Variants in RB1CC1 observed in about 807,000 individuals in gnomAD.
The protein encoded by RB1CC1 is RB1-inducible coiled-coil protein 1.
Under a neutral mutation model 177.5 loss-of-function variants are expected in RB1CC1, and 46 were observed. The ratio of observed to expected loss-of-function variants is 0.26; its 90% confidence interval spans 0.20 to 0.33. The LOEUF (loss-of-function observed/expected upper bound fraction) is 0.33, where lower values mean the gene tolerates loss of function less well. Among genes scored for constraint, RB1CC1 ranks in the 10% least tolerant of loss-of-function variants. The pLI, the probability that RB1CC1 is intolerant of heterozygous loss-of-function variation, is 1.00. For synonymous variants in RB1CC1, 666 were observed against 613.6 expected, an observed-to-expected ratio of 1.09 and a Z score of -1.26; for missense variants, 1,703 against 1,816.3, an observed-to-expected ratio of 0.94 and a Z score of 1.13.
chr8:52,685,694 T>A (rs944381857), intron 2 of RB1CC1, among the ~76,000 whole-genome samples, 174 bp from the exon 3 acceptor site: 1 of 151,708 alleles, frequency 6.6e-6, no homozygotes, highest in Non-Finnish European at 1.5e-5. Flanking sequence ...TAAAAAAAAA[T>A]AAAAATAAAT....
chr8:52,655,575 T>A (rs886867036), intron 15 of RB1CC1, among the ~76,000 whole-genome samples: 47 of 152,136 alleles, frequency 3.1e-4, no homozygotes, highest in Non-Finnish European at 7.4e-5. Flanking sequence ...ACACTCTACA[T>A]GTTCCTATGA....
intron 12 of RB1CC1, among the ~76,000 whole-genome samples, chr8:52,660,105 G>T (rs1194111748): frequency 6.6e-6 from 1 of 152,184 alleles, no homozygotes; most frequent in Non-Finnish European, 1.5e-5. Flanking sequence ...AATGACCCCA[G>T]ATAACAATGG....
chr8:52,626,187 C>G (rs1301466296), intron 22 of RB1CC1, among the ~76,000 whole-genome samples: 1 of 152,100 alleles, frequency 6.6e-6, no homozygotes, highest in Non-Finnish European at 1.5e-5. Context: ...TCTCCCAAGG[C>G]AACAACACAG....
chr8:52,688,806 T>C (rs568448808), intron 1 of RB1CC1, among the ~76,000 whole-genome samples: 112 of 152,324 alleles, frequency 7.4e-4, no homozygotes, highest in African/African-American at 2.6e-3. Flanking sequence ...CCTACCGATA[T>C]GTGATGTCGC....
chr8:52,677,423 C>T (rs1466117084), intron 5 of RB1CC1, among the ~76,000 whole-genome samples: 1 of 151,936 alleles, frequency 6.6e-6, no homozygotes, highest in Non-Finnish European at 1.5e-5. Context: ...GAGGAAAAAG[C>T]GAGAGAAAGA....
chr8:52,668,134 G>C lies in RB1CC1; in HGVS notation c.1060C>G (p.Leu354Val). The C allele has an allele frequency of 1.2e-6, 2 of 1,614,096 alleles. No individual in the cohort carries two copies. Among genetic ancestry groups the C allele is most frequent in the South Asian group, 1.1e-5 (1 of 91,084 alleles). Residue 354 changes from leucine to valine, a missense_variant, in exon 8 of 24, where the codon CTT (leucine) becomes GTT (valine). Leu to Val is a conservative substitution (Grantham distance 32, BLOSUM62 1). Coordinates refer to ENST00000025008, the MANE Select transcript of RB1CC1 (RefSeq NM_014781.5). ...ATGGCTTTCATATTCTGATTATCAA[G>C]TTTGGCAATAGTTTGACGGCATTCT... is the stretch of plus-strand genomic sequence containing the variant. ...IAECRQTIAKLDNQNMKAIKG... is the reference protein window; with the variant it reads ...IAECRQTIAKVDNQNMKAIKG...
intron 20 of RB1CC1, 50 bp from the exon 21 acceptor site, chr8:52,630,578 G>A (rs1052770786): frequency 1.7e-5 from 25 of 1,509,032 alleles, no homozygotes; most frequent in Admixed American, 5.2e-5. Flanking sequence ...AGTACCACAT[G>A]CATTCTTACT....
At chr8:52,634,613 CA>C (rs2150388385) in intron 20 of RB1CC1, among the ~76,000 whole-genome samples, 1 of 152,152 alleles carries the variant, frequency 6.6e-6, no homozygotes, top group Non-Finnish European at 1.5e-5. Flanking sequence ...AAACATAACT[CA>C]AAACTGATTT....
chr8:52,701,240 A>G (rs1273135011), intron 1 of RB1CC1, among the ~76,000 whole-genome samples: 2 of 151,872 alleles, frequency 1.3e-5, no homozygotes, highest in Non-Finnish European at 2.9e-5. Context: ...CTCCTGCTTC[A>G]GCCTCCCGAG....
intron 9 of RB1CC1, 46 bp from the exon 10 acceptor site, chr8:52,661,327 T>G: frequency 6.3e-7 from 1 of 1,593,708 alleles, no homozygotes. Context: ...AAACTGGTAC[T>G]AACTTAGTTA....
chr8:52,688,487 G>A (rs917092797), intron 1 of RB1CC1, among the ~76,000 whole-genome samples: 12 of 152,056 alleles, frequency 7.9e-5, no homozygotes, highest in African/African-American at 2.9e-4. Context: ...ACGGTGGTGG[G>A]GAAAAACTCC....
intron 7 of RB1CC1, among the ~76,000 whole-genome samples, chr8:52,668,482 T>C (rs1254530355): frequency 6.6e-6 from 1 of 152,224 alleles, no homozygotes; most frequent in East Asian, 1.9e-4. Flanking sequence ...GAAAAAGGTA[T>C]TTTCAATGTC....
intron 1 of RB1CC1, among the ~76,000 whole-genome samples, chr8:52,699,799 C>T (rs866948529): frequency 8.2e-4 from 58 of 70,908 alleles, no homozygotes; most frequent in Middle Eastern, 0.026. Context: ...AGTGAATCTC[C>T]GTCTCAAAAA....
intron 6 of RB1CC1, among the ~76,000 whole-genome samples, chr8:52,675,714 C>A (rs1237740759): frequency 0.3 from 18,101 of 61,006 alleles, 2,432 homozygotes; most frequent in Non-Finnish European, 0.36. Flanking sequence ...ACTAAAAATC[C>A]AAAAAAAAAA....
chr8:52,680,404 T>C (rs1310387819), intron 5 of RB1CC1, among the ~76,000 whole-genome samples: 1 of 152,136 alleles, frequency 6.6e-6, no homozygotes, highest in African/African-American at 2.4e-5. Context: ...ATTAATAGAA[T>C]TACCATGTAA....
intron 1 of RB1CC1, 78 bp downstream of exon 1, chr8:52,713,997 C>A (rs1169412581): frequency 6.7e-6 from 2 of 298,930 alleles, no homozygotes; most frequent in South Asian, 2.5e-5. Context: ...CATGCGACCC[C>A]GGCCCACCGT....
At chr8:52,660,717 C>T in intron 11 of RB1CC1, 60 bp from the exon 12 acceptor site, 1 of 1,445,398 alleles carries the variant, frequency 6.9e-7, no homozygotes, top group South Asian at 1.3e-5. Context: ...AAAAAATTAT[C>T]TCTGGTTTTT....
intron 20 of RB1CC1, among the ~76,000 whole-genome samples, chr8:52,633,684 T>C (rs1301037170): frequency 2.0e-5 from 3 of 152,214 alleles, no homozygotes; most frequent in Admixed American, 6.6e-5. Flanking sequence ...CTGTAATTAA[T>C]AGAACTTGAA....
chr8:52,642,469 G>C lies in RB1CC1; in HGVS notation c.4219C>G (p.Pro1407Ala), dbSNP rs1849665922. 3.1e-6 allele frequency: 5 copies of C among 1,613,810 alleles called. No individual in the cohort carries two copies. Among genetic ancestry groups the C allele is most frequent in the African/African-American group, 1.3e-5 (1 of 74,844 alleles). Residue 1407 changes from proline (P) to alanine (A), a missense_variant, in exon 18 of 24, where the codon CCA becomes GCA. Physicochemically the swap from Pro to Ala is conservative, Grantham distance 27 (BLOSUM62 -1). Around this residue, in one of 6 missense-constraint regions of RB1CC1, gnomAD observed 1,169 missense variants for 1,184.7 expected, o/e 0.99. Transcript: ENST00000025008. Reference sequence around the variant, plus strand: ...GGTGCACAAGCTCCATAAAGTTCTGGGGCTGTAGCTACATATGGTGAAGGA... The same window carrying C: ...GGTGCACAAGCTCCATAAAGTTCTGCGGCTGTAGCTACATATGGTGAAGGA... ...FVPSPYVATA[P>A]ELYGACAPEL...
Sources: allele counts gnomAD v4.1 joint callset (sites outside exome capture counted in the v4.1 genomes callset), GRCh38; gene constraint gnomAD v4.1.1; regional missense constraint gnomAD v4.1.1; transcripts MANE v1.5; gene names NCBI Gene and HGNC (gene_info 2026-07-23, HGNC 2026-07-21).